Variants in BCO1 observed in about 807,000 individuals in gnomAD.
The protein encoded by BCO1 is beta-carotene oxygenase 1, also known as beta,beta-carotene 15,15'-dioxygenase.
A neutral mutation model predicts 56.3 loss-of-function variants in BCO1; 54 were observed. The observed-to-expected ratio is 0.96, with a 90% CI of 0.77 to 1.20. The LOEUF (loss-of-function observed/expected upper bound fraction) is 1.20. Ranked by LOEUF, BCO1 falls within the 50% of genes most tolerant of loss-of-function variation. BCO1 has a pLI of 0.00. For missense variants in BCO1, 801 were observed against 690.9 expected (o/e 1.16, Z -1.79); for synonymous variants, 318 against 266.1 (o/e 1.20, Z -1.90).
intron 8 of BCO1, among the ~76,000 whole-genome samples, chr16:81,283,914 G>A (rs556478629): frequency 2.0e-5 from 3 of 151,774 alleles, no homozygotes; most frequent in African/African-American, 4.8e-5. Flanking sequence ...GGCCAAGCAC[G>A]GTGGCTCACA....
chr16:81,285,554 C>T lies in BCO1; in HGVS notation c.1222C>T (p.Arg408Trp), dbSNP rs368261768. ...EFLYEGLELPRVNYAHNGKQY... is the reference protein window; with the variant it reads ...EFLYEGLELPWVNYAHNGKQY... ...TTTCCTTGTAGGCTTAGAGCTTCCA[C>T]GGGTCAATTATGCTCACAATGGAAA... Residue 408 changes from arginine (R) to tryptophan (W), a missense_variant, in exon 9 of 11, where the codon CGG becomes TGG. By Grantham distance (101) the Arg-to-Trp change is moderately radical. Transcript: ENST00000258168. 6.8e-6 allele frequency: 11 copies of T among 1,613,022 alleles called. No individual in the cohort carries two copies. Among genetic ancestry groups the T allele is most frequent in the African/African-American group, 1.3e-5 (1 of 74,884 alleles).
rs1908413129 is a variant in BCO1 at position 81,290,640 on chromosome 16, T to C, written c.*63T>C. On this transcript the variant is annotated 3_prime_UTR_variant, in exon 11 of 11. Transcript: ENST00000258168. ...GTCAGAACTCCATGGATATGTTTCT[T>C]TGGATGGAGGGGAGGGCCTTTGTTA... The C allele has an allele frequency of 7.3e-7, 1 of 1,362,796 alleles. No homozygotes were observed. The highest frequency in any genetic ancestry group is 1.2e-5 in the South Asian group (1 of 85,170). 84.4% of individuals were successfully genotyped at this position (1,362,796 alleles called of 1,614,324 possible).
intron 8 of BCO1, among the ~76,000 whole-genome samples, chr16:81,282,153 C>T (rs190718249): frequency 6.6e-6 from 1 of 152,278 alleles, no homozygotes; most frequent in African/African-American, 2.4e-5. Context: ...CTGAGGTGGG[C>T]AGATCACTTG....
intron 9 of BCO1, 116 bp downstream of exon 9, chr16:81,285,750 C>A (rs563711995): frequency 2.5e-6 from 2 of 811,756 alleles, no homozygotes; most frequent in East Asian, 5.2e-5. Context: ...AGGAGTAAGC[C>A]TAGGATAAAA....
At chr16:81,259,914 C>A (rs780700583) in intron 3 of BCO1, 109 bp downstream of exon 3, 2 of 1,329,366 alleles carry the variant, frequency 1.5e-6, no homozygotes, top group Non-Finnish European at 2.2e-6. Flanking sequence ...TAGATGAAAA[C>A]TCCACATGAC....
intron 10 of BCO1, among the ~76,000 whole-genome samples, chr16:81,289,195 C>A (rs542672728): frequency 6.6e-6 from 1 of 152,330 alleles, no homozygotes; most frequent in African/African-American, 2.4e-5. Context: ...CCTCTGGAGG[C>A]ATTGAGAGTA....
chr16:81,251,840 A>G (rs553071126), intron 2 of BCO1, among the ~76,000 whole-genome samples: 1 of 147,500 alleles, frequency 6.8e-6, no homozygotes, highest in Admixed American at 6.8e-5. Flanking sequence ...ATACCCACAC[A>G]CACACACACA....
intron 10 of BCO1, 48 bp downstream of exon 10, chr16:81,287,454 C>T (rs1374754017): frequency 8.2e-6 from 12 of 1,455,560 alleles, no homozygotes; most frequent in African/African-American, 2.8e-5. Context: ...TACTGCAGAT[C>T]GCCCTCCAAC....
intron 2 of BCO1, among the ~76,000 whole-genome samples, chr16:81,251,507 C>T (rs558090494): frequency 3.5e-4 from 53 of 151,636 alleles, no homozygotes; most frequent in Non-Finnish European, 6.9e-4. Context: ...CTGCAGTGAG[C>T]CGAGATCACA....
chr16:81,255,029 C>T (rs1260379977), intron 2 of BCO1, among the ~76,000 whole-genome samples: 1 of 152,164 alleles, frequency 6.6e-6, no homozygotes, highest in African/African-American at 2.4e-5. Context: ...GCGATCCTCC[C>T]CTCTGGGCCT....
At chr16:81,250,286 A>C (rs1386368069) in intron 2 of BCO1, among the ~76,000 whole-genome samples, 2 of 152,170 alleles carry the variant, frequency 1.3e-5, no homozygotes, top group Non-Finnish European at 2.9e-5. Flanking sequence ...TGTGCAATTC[A>C]GCCCTGTTTC....
chr16:81,284,921 C>T (rs1908090548), intron 8 of BCO1, among the ~76,000 whole-genome samples: 1 of 151,310 alleles, frequency 6.6e-6, no homozygotes, highest in South Asian at 2.1e-4. Flanking sequence ...ACTGCAACCT[C>T]TGCCTCCTGG....
chr16:81,255,947 G>T (rs1426095365), intron 2 of BCO1, among the ~76,000 whole-genome samples: 1 of 151,564 alleles, frequency 6.6e-6, no homozygotes, highest in Non-Finnish European at 1.5e-5. Context: ...CTCCCGAGTA[G>T]CTGGGACCAC....
Position 81,290,420 on chromosome 16 carries a change from G to A in BCO1, c.1487G>A (p.Ser496Asn). ...LPFLLILDAKSFTELARASVD... is the reference protein window; with the variant it reads ...LPFLLILDAKNFTELARASVD... ...TTTCTGCTCATTCTGGATGCCAAAA[G>A]CTTTACGGAATTGGCCCGTGCCTCT... The change falls in exon 11 of 11, where the codon AGC becomes AAC. Residue 496 changes from serine to asparagine, a missense_variant. Coordinates refer to ENST00000258168, the MANE Select transcript of BCO1 (RefSeq NM_017429.3). 3 of 1,614,162 alleles carry A rather than the reference G, an allele frequency of 1.9e-6. No individual in the cohort carries two copies. Among genetic ancestry groups the A allele is most frequent in the Middle Eastern group, 1.6e-4 (1 of 6,062 alleles).
At chr16:81,251,490 G>A (rs1481171211) in intron 2 of BCO1, among the ~76,000 whole-genome samples, 2 of 151,030 alleles carry the variant, frequency 1.3e-5, no homozygotes, top group Non-Finnish European at 3.0e-5. Flanking sequence ...AGCCTTGGAG[G>A]CAGAGGCTGC....
chr16:81,244,056 CA>C (rs1905258065), intron 1 of BCO1, among the ~76,000 whole-genome samples: 1 of 152,244 alleles, frequency 6.6e-6, no homozygotes, highest in Admixed American at 6.5e-5. Context: ...CTTCCAGGGG[CA>C]TTACCTATCC....
chr16:81,277,155 C>G (rs909000176), intron 7 of BCO1, among the ~76,000 whole-genome samples: 2 of 151,880 alleles, frequency 1.3e-5, no homozygotes, highest in Non-Finnish European at 2.9e-5. Context: ...CAGCCTGTTC[C>G]ACGCCATCAT....
At chr16:81,240,980 A>G (rs941236637) in intron 1 of BCO1, among the ~76,000 whole-genome samples, 4 of 151,310 alleles carry the variant, frequency 2.6e-5, no homozygotes, top group Non-Finnish European at 5.9e-5. Context: ...AATGACAGGC[A>G]TGCACCACCA....
rs906816264 is a variant in BCO1 at position 81,262,020 on chromosome 16, G to T, written c.324-116G>T. On this transcript the variant is annotated intron_variant, in intron 3 of 10. Transcript: ENST00000258168. ...GCCTCCCACAGTGCTGGGATTACAG[G>T]CACCCGGCCGAAGTAAAGCATTTTT... 13 of 1,277,974 alleles carry T rather than the reference G, an allele frequency of 1.0e-5. No homozygotes were observed. In the Admixed American group the frequency reaches 1.5e-4, roughly 15 times the overall value. The allele number at this position is 1,277,974 out of a possible 1,614,324, so 79.2% of individuals were successfully genotyped here.
Sources: gnomAD v4.1 joint callset for allele counts (sites outside exome capture counted in the v4.1 genomes callset) on GRCh38, gnomAD v4.1.1 for gene constraint, MANE v1.5 for transcripts, NCBI Gene and HGNC (gene_info 2026-07-23, HGNC 2026-07-21) for gene names.